The following BLTP1 variants were observed in gnomAD, a reference collection of about 807,000 sequenced individuals.
The protein encoded by BLTP1 is fragile site-associated protein.
chr4:122,297,453 G>T, the BLTP1 span, among the ~76,000 whole-genome samples: 8 of 152,180 alleles, frequency 5.3e-5, no homozygotes, highest in Non-Finnish European at 4.4e-5. Context: ...CACATTGTTG[G>T]TGGGAGCGTA....
At chr4:122,239,901 G>C in the BLTP1 span, 1 of 1,613,930 alleles carries the variant, frequency 6.2e-7, no homozygotes, top group South Asian at 1.1e-5. Flanking sequence ...CATTAGCAGT[G>C]ATGAAGGCCC....
At chr4:122,254,891 T>C in the BLTP1 span, 1 of 1,613,890 alleles carries the variant, frequency 6.2e-7, no homozygotes, top group Non-Finnish European at 8.5e-7. Context: ...TTAAACAAAT[T>C]GGAAACTGAG....
chr4:122,189,083 G>A, the BLTP1 span: 1 of 982,042 alleles, frequency 1.0e-6, no homozygotes, highest in Non-Finnish European at 1.2e-6. Flanking sequence ...AATAAATCAG[G>A]ATTTTTTTGA....
chr4:122,218,701 AT>A, the BLTP1 span, among the ~76,000 whole-genome samples: 2 of 151,706 alleles, frequency 1.3e-5, no homozygotes, highest in African/African-American at 4.8e-5. Flanking sequence ...ATGGGAAAAA[AT>A]AAATTAAATT....
At chr4:122,242,196 C>G in the BLTP1 span, among the ~76,000 whole-genome samples, 1 of 152,036 alleles carries the variant, frequency 6.6e-6, no homozygotes, top group Admixed American at 6.6e-5. Context: ...CAGGAGTATT[C>G]ACAATAGCTA....
chr4:122,234,599 A>G, the BLTP1 span: 1 of 302,516 alleles, frequency 3.3e-6, no homozygotes, highest in Admixed American at 6.5e-5. Context: ...TATTTTTTAG[A>G]AAGGCAAATG....
At chr4:122,169,756 A>G in the BLTP1 span, 1 of 984,014 alleles carries the variant, frequency 1.0e-6, no homozygotes, top group Non-Finnish European at 1.2e-6. Context: ...GTTGGGTCAC[A>G]GTTCTACAGT....
At chr4:122,185,746 G>A in the BLTP1 span, among the ~76,000 whole-genome samples, 1 of 151,920 alleles carries the variant, frequency 6.6e-6, no homozygotes, top group Admixed American at 6.6e-5. Context: ...TACTCTTTAA[G>A]TGGTACTTTA....
chr4:122,246,947 T>C, the BLTP1 span: 2 of 1,407,656 alleles, frequency 1.4e-6, no homozygotes, highest in African/African-American at 1.4e-5. Context: ...ATTTCAAATC[T>C]TAATTTATAG....
chr4:122,210,608 C>T, the BLTP1 span, among the ~76,000 whole-genome samples: 211 of 152,170 alleles, frequency 1.4e-3, 1 homozygote, highest in African/African-American at 4.6e-3. Flanking sequence ...ATTGCAGGGA[C>T]TCAATAAGAA....
chr4:122,251,291 T>C, the BLTP1 span: 4 of 979,142 alleles, frequency 4.1e-6, no homozygotes, highest in Non-Finnish European at 4.9e-6. Flanking sequence ...CTTAAACGTA[T>C]GTACATATAT....
At chr4:122,254,774 G>A in the BLTP1 span, 2 of 1,470,162 alleles carry the variant, frequency 1.4e-6, no homozygotes, top group East Asian at 2.5e-5. Context: ...TTTGACACTT[G>A]TTTTTATAAT....
chr4:122,212,572 G>T, the BLTP1 span, among the ~76,000 whole-genome samples: 46 of 151,752 alleles, frequency 3.0e-4, no homozygotes, highest in African/African-American at 9.9e-4. Context: ...ATTAACTTTT[G>T]TTTTTGTGTT....
At chr4:122,214,420 G>A in the BLTP1 span, 1 of 969,970 alleles carries the variant, frequency 1.0e-6, no homozygotes, top group African/African-American at 1.8e-5. Context: ...GGGGTTGTTT[G>A]GAATTTATTT....
the BLTP1 span, chr4:122,234,764 T>A: frequency 1.3e-6 from 2 of 1,563,676 alleles, no homozygotes; most frequent in African/African-American, 2.8e-5. Context: ...TCTTTTGGGG[T>A]CGGTTTAGGT....
chr4:122,325,677 A>C, the BLTP1 span: 2 of 1,022,972 alleles, frequency 2.0e-6, no homozygotes, highest in Non-Finnish European at 2.6e-6. Flanking sequence ...TATGTATTTT[A>C]TTTATAGATA....
chr4:122,244,121 T>C, the BLTP1 span: 21 of 1,315,948 alleles, frequency 1.6e-5, no homozygotes, highest in Admixed American at 2.0e-4. Flanking sequence ...TAGAAGATTG[T>C]TGATAGTTAT....
chr4:122,356,844 G>T, the BLTP1 span: 1 of 1,512,832 alleles, frequency 6.6e-7, no homozygotes, highest in South Asian at 1.3e-5. Flanking sequence ...ATGAGAAAAT[G>T]AGTGGAATAT....
chr4:122,334,905 TTC>T, the BLTP1 span, among the ~76,000 whole-genome samples: 1 of 152,072 alleles, frequency 6.6e-6, no homozygotes, highest in African/African-American at 2.4e-5. Flanking sequence ...CATTTATTAC[TTC>T]TCTGTTGTAT....
Sources: allele counts gnomAD v4.1 joint callset (sites outside exome capture counted in the v4.1 genomes callset), GRCh38; gene constraint gnomAD v4.1.1; transcripts MANE v1.5; gene names NCBI Gene and HGNC (gene_info 2026-07-23, HGNC 2026-07-21).